Variants in NR2C2 observed in about 807,000 individuals in gnomAD.
The protein encoded by NR2C2 is Nuclear hormone receptor TR4.
In NR2C2, 6 loss-of-function variants were observed where a neutral mutation model predicts 62.9. The observed-to-expected ratio is 0.10, with a 90% CI of 0.05 to 0.19. NR2C2 has a LOEUF of 0.19. Among genes scored for constraint, NR2C2 ranks in the 10% least tolerant of loss-of-function variants. The pLI, the probability that NR2C2 is intolerant of heterozygous loss-of-function variation, is 1.00. For missense variants in NR2C2, 479 were observed against 762.7 expected (o/e 0.63, Z 4.38); for synonymous variants, 272 against 273.8 (o/e 0.99, Z 0.07).
rs1488809085 is a variant in NR2C2, at chr3:14,992,648, G to A, written c.-39-11228G>A. ...ATTTGTATTAACCTGAGGGGTGTCAGGAAAGGCTGGCCAGAGGAGCATGGC... is the reference window on the plus strand; with the variant it reads ...ATTTGTATTAACCTGAGGGGTGTCAAGAAAGGCTGGCCAGAGGAGCATGGC... On this transcript the variant is annotated intron_variant, in intron 1 of 13. Coordinates refer to ENST00000425241, the MANE Select transcript of NR2C2 (RefSeq NM_001291694.2). Among the ~76,000 whole-genome samples the A allele has an allele frequency of 2.0e-5, 3 of 152,298 alleles. No individual in the cohort carries two copies. In the East Asian group the frequency reaches 5.8e-4, roughly 29 times the overall value.
chr3:15,030,020 A>G (rs1051501752), intron 8 of NR2C2, among the ~76,000 whole-genome samples: 2 of 151,924 alleles, frequency 1.3e-5, no homozygotes, highest in East Asian at 3.9e-4. Context: ...ATGTGTAGAT[A>G]ATACATACAA....
rs148318770 is a variant in NR2C2, at chr3:14,973,047, T to C, written c.-40+25141T>C. Among the ~76,000 whole-genome samples the C allele has an allele frequency of 2.9e-3, 436 of 152,300 alleles. 6 individuals are homozygous for C. The South Asian group carries it at 0.037, about 13-fold the overall frequency. ...ACAGATCCAAACCATATCACAGATA[T>C]ATGATTTGCAAGTACTTTGTTCCAT... On this transcript the variant is annotated intron_variant, in intron 1 of 13. Transcript: ENST00000425241.
intron 7 of NR2C2, among the ~76,000 whole-genome samples, chr3:15,025,146 G>A (rs577630313): frequency 1.3e-5 from 2 of 152,314 alleles, no homozygotes; most frequent in African/African-American, 4.8e-5. Flanking sequence ...CTAGAACAGT[G>A]GCTCTGACTG....
chr3:14,965,522 C>CA (rs545143806), intron 1 of NR2C2, among the ~76,000 whole-genome samples: 13,917 of 78,120 alleles, frequency 0.18, 1,716 homozygotes, highest in East Asian at 0.22. Context: ...TTTCCCATGG[C>CA]AAAAAAAAAA....
At chr3:15,032,136 G>A (rs188858475) in intron 9 of NR2C2, among the ~76,000 whole-genome samples, 69 of 152,236 alleles carry the variant, frequency 4.5e-4, no homozygotes, top group South Asian at 1.0e-3. Flanking sequence ...ATGTTTTTGT[G>A]GGGGTGGGCT....
intron 1 of NR2C2, among the ~76,000 whole-genome samples, chr3:14,974,735 C>T (rs942185194): frequency 6.6e-6 from 1 of 151,884 alleles, no homozygotes; most frequent in Admixed American, 6.6e-5. Flanking sequence ...TCCCAAGTAG[C>T]TGGGATTACA....
intron 1 of NR2C2, among the ~76,000 whole-genome samples, chr3:15,003,101 G>C (rs954171163): frequency 1.3e-5 from 2 of 148,482 alleles, no homozygotes; most frequent in Non-Finnish European, 1.5e-5. Context: ...GCGCACCATC[G>C]TGCCTGGCTA....
intron 2 of NR2C2, among the ~76,000 whole-genome samples, chr3:15,004,809 ATTG>A (rs1235976481): frequency 6.6e-6 from 1 of 152,162 alleles, no homozygotes; most frequent in Non-Finnish European, 1.5e-5. Flanking sequence ...TATGTTTTAT[ATTG>A]TTATGTCTTT....
intron 4 of NR2C2, among the ~76,000 whole-genome samples, chr3:15,017,986 G>A (rs1050761421): frequency 2.0e-5 from 3 of 152,184 alleles, no homozygotes; most frequent in African/African-American, 7.2e-5. Flanking sequence ...GAATAAGAAA[G>A]CTAAACTGAA....
chr3:15,026,609 C>T (rs530662476), intron 7 of NR2C2: 1 of 152,286 alleles, frequency 6.6e-6, no homozygotes, highest in Admixed American at 6.5e-5. Context: ...TCTTTTGTGG[C>T]TGGCTTCTTT....
rs2042522187 is a variant in NR2C2, at chr3:15,048,139, A to T, written c.*5131A>T. ...TAAGTTATCAAAATGTTTTAAAAAC[A>T]CTTTATGAGACCATAGTACTCAGTG... On this transcript the variant is annotated 3_prime_UTR_variant, in exon 14 of 14. Coordinates refer to ENST00000425241, the MANE Select transcript of NR2C2 (RefSeq NM_001291694.2). 1 of 152,672 alleles carries T rather than the reference A, an allele frequency of 6.5e-6. No individual in the cohort carries two copies. The highest frequency in any genetic ancestry group is 1.5e-5 in the Non-Finnish European group (1 of 68,052). The allele number at this position is 152,672 out of a possible 1,614,324, so 9.5% of individuals were successfully genotyped here. A position where few individuals can be genotyped will look rare whatever the true frequency, so the allele number is the denominator to read the frequency against.
Position 14,994,684 on chromosome 3 carries a change from G to A in NR2C2, c.-39-9192G>A, listed in dbSNP as rs537318353. On this transcript the variant is annotated intron_variant, in intron 1 of 13. Transcript: ENST00000425241. Reference sequence around the variant, plus strand: ...TCTCAATCTGTTGACCTCATGATCCGCCAACCTCGGCCTCCCAAAGTGCTG... The same window carrying A: ...TCTCAATCTGTTGACCTCATGATCCACCAACCTCGGCCTCCCAAAGTGCTG... Among the ~76,000 whole-genome samples, 307 of 149,444 alleles carry A rather than the reference G, an allele frequency of 2.1e-3. 3 individuals are homozygous for A. The highest frequency in any genetic ancestry group is 7.1e-3 in the African/African-American group (290 of 40,692).
intron 1 of NR2C2, among the ~76,000 whole-genome samples, chr3:14,985,554 C>G (rs1327093825): frequency 6.6e-6 from 1 of 151,992 alleles, no homozygotes; most frequent in East Asian, 1.9e-4. Flanking sequence ...GTATTTACAT[C>G]CATGTTTATG....
At position 15,045,202 on chromosome 3, in the gene NR2C2, T is replaced by C. The variant is rs1017845797; in HGVS notation, c.*2194T>C. 1 of 152,190 alleles carries C rather than the reference T, an allele frequency of 6.6e-6. No homozygotes were observed. The highest frequency in any genetic ancestry group is 2.4e-5 in the African/African-American group (1 of 41,442). 9.4% of individuals were successfully genotyped at this position (152,190 alleles called of 1,614,324 possible). A position where few individuals can be genotyped will look rare whatever the true frequency, so the allele number is the denominator to read the frequency against. ...CAGATTGTTGCCTGCCTTCCGTCGT[T>C]TTGATCCTTGAGAGTGACCATGAGG... On this transcript the variant is annotated 3_prime_UTR_variant, in exon 14 of 14. Transcript: ENST00000425241.
At chr3:14,996,381 T>TA (rs540513371) in intron 1 of NR2C2, among the ~76,000 whole-genome samples, 350 of 152,360 alleles carry the variant, frequency 2.3e-3, no homozygotes, top group African/African-American at 8.0e-3. Context: ...CAAAGACAGT[T>TA]ATATAGTTTT....
At chr3:15,022,584 T>C (rs1260557789) in intron 5 of NR2C2, among the ~76,000 whole-genome samples, 1 of 152,070 alleles carries the variant, frequency 6.6e-6, no homozygotes, top group East Asian at 1.9e-4. Flanking sequence ...TTTTGTGTTT[T>C]TAATAGAGGC....
chr3:15,027,775 T>C (rs1425872322), intron 7 of NR2C2, among the ~76,000 whole-genome samples: 1 of 152,100 alleles, frequency 6.6e-6, no homozygotes, highest in Non-Finnish European at 1.5e-5. Context: ...TTTTTTTACT[T>C]TTTGTAGAGA....
chr3:14,972,834 T>A (rs1574946300), intron 1 of NR2C2, among the ~76,000 whole-genome samples: 1 of 150,784 alleles, frequency 6.6e-6, no homozygotes, highest in Non-Finnish European at 1.5e-5. Flanking sequence ...ACCAAGAGAG[T>A]GGGGGGAGGT....
chr3:15,024,080 G>A, intron 6 of NR2C2, 35 bp from the exon 7 acceptor site: 1 of 1,406,084 alleles, frequency 7.1e-7, no homozygotes, highest in Non-Finnish European at 1.0e-6. Context: ...ATAAAATGTT[G>A]GAAGCTACTC....
Sources: allele counts gnomAD v4.1 joint callset (sites outside exome capture counted in the v4.1 genomes callset), GRCh38; gene constraint gnomAD v4.1.1; transcripts MANE v1.5; gene names NCBI Gene and HGNC (gene_info 2026-07-23, HGNC 2026-07-21).